ITGB6: variants seen among roughly 807,000 people sequenced by gnomAD.
ITGB6 encodes the protein integrin beta-6.
Under a neutral mutation model 84.5 loss-of-function variants are expected in ITGB6, and 80 were observed. The ratio of observed to expected loss-of-function variants is 0.95; its 90% CI spans 0.79 to 1.14. The LOEUF (loss-of-function observed/expected upper bound fraction) is 1.14, where lower values mean the gene tolerates loss of function less well. ITGB6 is among the 50% of genes most tolerant of loss of function. The probability of loss-of-function intolerance (pLI) is 0.00; values close to 1 mark genes in which losing one functional copy is unlikely to be tolerated. For missense variants in ITGB6, 1,006 were observed against 968.0 expected (o/e 1.04, Z -0.52); for synonymous variants, 383 against 354.9 (o/e 1.08, Z -0.89).
chr2:160,175,129 G>T (rs954207554), intron 4 of ITGB6, among the ~76,000 whole-genome samples: 6 of 152,238 alleles, frequency 3.9e-5, no homozygotes, highest in African/African-American at 1.4e-4. Flanking sequence ...TGAACTGGTT[G>T]ATTCTTAATA....
At chr2:160,181,248 C>A (rs968909936) in intron 4 of ITGB6, among the ~76,000 whole-genome samples, 1 of 152,226 alleles carries the variant, frequency 6.6e-6, no homozygotes, top group Non-Finnish European at 1.5e-5. Flanking sequence ...GCTTGAAATT[C>A]TCGCTGCCAG....
intron 10 of ITGB6, among the ~76,000 whole-genome samples, chr2:160,133,001 C>T (rs1683534847): frequency 6.6e-6 from 1 of 151,910 alleles, no homozygotes; most frequent in Non-Finnish European, 1.5e-5. Flanking sequence ...GAGTGAAGGC[C>T]CTGAAAGCCC....
chr2:160,154,165 A>G (rs1336975773), intron 7 of ITGB6, among the ~76,000 whole-genome samples: 1 of 152,224 alleles, frequency 6.6e-6, no homozygotes, highest in African/African-American at 2.4e-5. Context: ...TCACAATAGC[A>G]AAGACTTGGA....
rs554428406 is a variant in ITGB6 at position 160,147,749 on chromosome 2, G to A, written c.1018-5678C>T. 5.3e-5 allele frequency among the ~76,000 whole-genome samples: 8 copies of A among 152,170 alleles called. No individual in the cohort carries two copies. In the South Asian group the frequency reaches 1.2e-3, roughly 24 times the overall value. On this transcript the variant is annotated intron_variant, in intron 7 of 14. Coordinates refer to ENST00000283249, the MANE Select transcript of ITGB6 (RefSeq NM_000888.5). ...GCAAGGGTAGTCTTTTCAACAAACG[G>A]TGCTTGAACAACTGGACATTCACAT...
intron 7 of ITGB6, among the ~76,000 whole-genome samples, chr2:160,142,370 T>C (rs774795200): frequency 2.6e-5 from 4 of 152,188 alleles, no homozygotes; most frequent in Non-Finnish European, 4.4e-5. Context: ...TAGTAGCATT[T>C]ATATAACATC....
At chr2:160,174,177 A>G in intron 4 of ITGB6, 38 bp from the exon 5 acceptor site, 2 of 1,452,834 alleles carry the variant, frequency 1.4e-6, no homozygotes, top group Non-Finnish European at 9.5e-7. Flanking sequence ...TTGATGAAAT[A>G]TGATGCCACA....
At chr2:160,114,830 A>G (rs1037143618) in intron 12 of ITGB6, among the ~76,000 whole-genome samples, 8 of 152,210 alleles carry the variant, frequency 5.3e-5, no homozygotes, top group Non-Finnish European at 1.2e-4. Context: ...AATGGGCTTA[A>G]AAAATGGCAC....
At chr2:160,187,701 T>G (rs774895078) in intron 4 of ITGB6, among the ~76,000 whole-genome samples, 36 of 152,182 alleles carry the variant, frequency 2.4e-4, no homozygotes, top group Non-Finnish European at 4.7e-4. Flanking sequence ...TTAATTTTTG[T>G]TTTGTTTCAG....
intron 12 of ITGB6, among the ~76,000 whole-genome samples, chr2:160,116,204 C>T (rs1437292988): frequency 1.3e-5 from 2 of 151,736 alleles, no homozygotes; most frequent in Non-Finnish European, 1.5e-5. Flanking sequence ...CCAAGACACA[C>T]AATTATCAGA....
rs950615749 is a variant in ITGB6 at position 160,137,811 on chromosome 2, C to G, written c.1283G>C (p.Arg428Thr). Residue 428 changes from arginine to threonine, a missense_variant, in exon 10 of 15, where the codon AGA becomes ACA. Coordinates refer to ENST00000283249, the MANE Select transcript of ITGB6 (RefSeq NM_000888.5). ...SVTVNIPHCE[R>T]RSRHIIIKPV... ...CTTTATGATAATGTGCCTGCTTCTTCTCTCGCAGTGTGGGATATTCACAGT... is the reference window on the plus strand; with the variant it reads ...CTTTATGATAATGTGCCTGCTTCTTGTCTCGCAGTGTGGGATATTCACAGT... The G allele has an allele frequency of 1.2e-6, 2 of 1,614,042 alleles. No homozygotes were observed. Among genetic ancestry groups the G allele is most frequent in the African/African-American group, 2.7e-5 (2 of 74,932 alleles).
intron 14 of ITGB6, among the ~76,000 whole-genome samples, chr2:160,103,986 G>A (rs1291365257): frequency 2.6e-5 from 4 of 152,188 alleles, no homozygotes; most frequent in Non-Finnish European, 4.4e-5. Context: ...TTGAATTGCA[G>A]TTGACAAGAT....
At chr2:160,192,390 A>C (rs1418113545) in intron 4 of ITGB6, among the ~76,000 whole-genome samples, 6 of 152,190 alleles carry the variant, frequency 3.9e-5, no homozygotes, top group Admixed American at 3.9e-4. Flanking sequence ...TTGTGTAACA[A>C]ATAGTGCTTG....
rs1171530397 is a variant in ITGB6, at chr2:160,137,621, C to T, written c.1473G>A (p.Glu491=). 5.6e-6 allele frequency: 9 copies of T among 1,614,222 alleles called. No homozygotes were observed. The South Asian group carries it at 8.8e-5, about 16-fold the overall frequency. Reference sequence around the variant, plus strand: ...CTGTGCTCAGCATGTCCTCGCCACACTCACAGCGAGGCCCCATGTGGCCAG... The same window carrying T: ...CTGTGCTCAGCATGTCCTCGCCACATTCACAGCGAGGCCCCATGTGGCCAG... ...CHPGHMGPRC[E]CGEDMLSTDS... The change falls in exon 10 of 15, where the codon GAG becomes GAA. Residue 491 remains glutamate, a synonymous_variant. Transcript: ENST00000283249.
rs1258924470 is a variant in ITGB6 at position 160,134,934 on chromosome 2, C to A, written c.1660+2500G>T. Among the ~76,000 whole-genome samples, 8 of 152,000 alleles carry A rather than the reference C, an allele frequency of 5.3e-5. No individual in the cohort carries two copies. The East Asian group carries it at 1.2e-3, about 22-fold the overall frequency. On this transcript the variant is annotated intron_variant, in intron 10 of 14. Coordinates refer to ENST00000283249, the MANE Select transcript of ITGB6 (RefSeq NM_000888.5). The stretch of plus-strand genomic sequence containing the variant: ...ATAATAAGAGCTATTTATGACAAAC[C>A]CACAGCCAATATCATACTGAATGGG...
chr2:160,135,622 C>G (rs1337962372), intron 10 of ITGB6, among the ~76,000 whole-genome samples: 2 of 151,444 alleles, frequency 1.3e-5, no homozygotes, highest in African/African-American at 4.9e-5. Flanking sequence ...AAGAACAAAG[C>G]TGGAGGCATC....
chr2:160,123,504 A>T (rs904481191), intron 12 of ITGB6, among the ~76,000 whole-genome samples: 1 of 152,204 alleles, frequency 6.6e-6, no homozygotes, highest in African/African-American at 2.4e-5. Flanking sequence ...TTTGAAAAAT[A>T]TAGCATTCTG....
intron 7 of ITGB6, among the ~76,000 whole-genome samples, chr2:160,146,904 C>A (rs1684217346): frequency 6.6e-6 from 1 of 151,682 alleles, no homozygotes; most frequent in African/African-American, 2.4e-5. Context: ...GGTTCGAGAC[C>A]AGCCAGGTAA....
chr2:160,138,906 A>G (rs1308711650), intron 8 of ITGB6, among the ~76,000 whole-genome samples: 1 of 152,240 alleles, frequency 6.6e-6, no homozygotes, highest in African/African-American at 2.4e-5. Flanking sequence ...GAGTACAATC[A>G]CAATAGTCCA....
At chr2:160,109,242 G>A (rs1390167716) in intron 13 of ITGB6, among the ~76,000 whole-genome samples, 1 of 152,196 alleles carries the variant, frequency 6.6e-6, no homozygotes, top group Non-Finnish European at 1.5e-5. Flanking sequence ...GCAGAAATAA[G>A]TAAAGGAGCT....
Sources: gnomAD v4.1 joint callset for allele counts (sites outside exome capture counted in the v4.1 genomes callset) on GRCh38, gnomAD v4.1.1 for gene constraint, MANE v1.5 for transcripts, NCBI Gene and HGNC (gene_info 2026-07-23, HGNC 2026-07-21) for gene names.